DNAH3: variants seen among roughly 807,000 people sequenced by gnomAD.
DNAH3 encodes axonemal beta dynein heavy chain 3.
Under a neutral mutation model 432.5 loss-of-function variants are expected in DNAH3, and 332 were observed. The ratio of observed to expected loss-of-function variants is 0.77; its 90% CI spans 0.70 to 0.84. The LOEUF is 0.84. Among genes scored for constraint, DNAH3 ranks in the 40% least tolerant of loss-of-function variants. The pLI is 0.00. For synonymous variants in DNAH3, 1,956 were observed against 1,900.2 expected, an observed-to-expected ratio of 1.03 and a Z score of -0.76; for missense variants, 4,861 against 5,114.0, an observed-to-expected ratio of 0.95 and a Z score of 1.51.
intron 45 of DNAH3, 45 bp downstream of exon 45, chr16:20,987,897 G>C: frequency 1.2e-6 from 2 of 1,614,014 alleles, no homozygotes; most frequent in South Asian, 2.2e-5. Flanking sequence ...GCCAGAAACT[G>C]AGAACCCCCA....
At chr16:20,980,174 T>A (rs868552567) in intron 49 of DNAH3, among the ~76,000 whole-genome samples, 15,540 of 120,436 alleles carry the variant, frequency 0.13, 1,284 homozygotes, top group African/African-American at 0.24. Context: ...AAAAAAAATA[T>A]ATATATATAT....
chr16:21,074,147 C>G (rs1288166168), intron 21 of DNAH3, among the ~76,000 whole-genome samples: 1 of 152,104 alleles, frequency 6.6e-6, no homozygotes, highest in African/African-American at 2.4e-5. Flanking sequence ...CTTTTCACCC[C>G]TACAGCTCTT....
chr16:20,988,094 T>C, intron 44 of DNAH3, 29 bp from the exon 45 acceptor site: 3 of 1,612,436 alleles, frequency 1.9e-6, no homozygotes, highest in Non-Finnish European at 2.5e-6. Context: ...AAGTGAATCA[T>C]CCTGGAAAAC....
At chr16:21,077,461 C>A (rs1351910480) in intron 20 of DNAH3, among the ~76,000 whole-genome samples, 1 of 152,172 alleles carries the variant, frequency 6.6e-6, no homozygotes, top group African/African-American at 2.4e-5. Context: ...CCATGCCCGG[C>A]CAGTATTCTG....
intron 54 of DNAH3, among the ~76,000 whole-genome samples, chr16:20,957,808 C>CAAAAAAAAAAAAAAAAA (rs762197650): frequency 1.3e-4 from 7 of 53,286 alleles, no homozygotes; most frequent in Non-Finnish European, 2.3e-4. Context: ...ACTCCATCTC[C>CAAAAAAAAAAAAAAAAA]AAAAAAAAAA....
chr16:21,084,779 G>A (rs767889173), intron 19 of DNAH3, among the ~76,000 whole-genome samples: 12 of 152,036 alleles, frequency 7.9e-5, no homozygotes, highest in Non-Finnish European at 1.8e-4. Flanking sequence ...GGCCTGGTTG[G>A]GATTTTCTGA....
chr16:20,936,532 C>T, intron 60 of DNAH3, 117 bp downstream of exon 60: 1 of 866,848 alleles, frequency 1.2e-6, no homozygotes, highest in Non-Finnish European at 1.8e-6. Flanking sequence ...GAGGCTCAAT[C>T]CAGGATGTTC....
intron 5 of DNAH3, among the ~76,000 whole-genome samples, chr16:21,136,913 T>TTGCA (rs1385389698): frequency 6.6e-6 from 1 of 151,952 alleles, no homozygotes. Context: ...GGTGGGAGAA[T>TTGCA]TGCAAGGTCA....
At chr16:21,062,983 C>A (rs2090415734) in intron 24 of DNAH3, 1 of 292,602 alleles carries the variant, frequency 3.4e-6, no homozygotes, top group Non-Finnish European at 6.4e-6. Flanking sequence ...ACATTGCACC[C>A]AGCTTGGAGA....
chr16:21,051,979 A>ATTT, intron 28 of DNAH3, 111 bp from the exon 29 acceptor site: 1 of 727,514 alleles, frequency 1.4e-6, no homozygotes, highest in South Asian at 2.2e-5. Context: ...TCTCCAAACT[A>ATTT]TTTTATTTTA....
At position 20,979,452 on chromosome 16, in the gene DNAH3, T is replaced by TG. The variant is rs770498622; in HGVS notation, c.7953dup (p.Thr2652HisfsTer5). Reference sequence around the variant, plus strand: ...GTTAGAATCAATTCAAGGTAGGAGGTGGGGGTAACATAGTTGTGTCTTCGA... The same window carrying TG: ...GTTAGAATCAATTCAAGGTAGGAGGTGGGGGGTAACATAGTTGTGTCTTCGA... On this transcript the variant is annotated frameshift_variant, in exon 50 of 62. Coordinates refer to ENST00000261383, the Ensembl canonical transcript of DNAH3. LOFTEE classifies it high-confidence loss of function. The TG allele has an allele frequency of 3.7e-6, 6 of 1,613,814 alleles. No individual in the cohort carries two copies. In the Admixed American group the frequency reaches 8.3e-5, roughly 22 times the overall value.
exon 55 of DNAH3, chr16:20,954,969 G>A (rs34771199): frequency 1.9e-6 from 3 of 1,614,184 alleles, no homozygotes; most frequent in South Asian, 2.2e-5. Flanking sequence ...TTGGCCCGGA[G>A]CCCTTTGGGG....
rs370835379 is a variant in DNAH3 at position 21,156,621 on chromosome 16, G to T, written c.117+2704C>A. ...CCCATGCCTAATCCCATCACATTGG[G>T]GGTTAGGATTTTAGAGGAACAGACA... On this transcript the variant is annotated intron_variant, in intron 1 of 61. Coordinates refer to ENST00000261383, the Ensembl canonical transcript of DNAH3. Among the ~76,000 whole-genome samples, 20 of 152,202 alleles carry T rather than the reference G, an allele frequency of 1.3e-4. 1 individual carries two copies. In the South Asian group the frequency reaches 3.9e-3, roughly 30 times the overall value.
chr16:21,010,335 C>A (rs3103810), intron 41 of DNAH3, among the ~76,000 whole-genome samples: 73,417 of 151,940 alleles, frequency 0.48, 17,940 homozygotes, highest in South Asian at 0.58. Flanking sequence ...CACCCCTACC[C>A]CCCCTACCCC....
intron 48 of DNAH3, among the ~76,000 whole-genome samples, chr16:20,983,263 C>T (rs922426664): frequency 6.6e-6 from 1 of 152,086 alleles, no homozygotes; most frequent in African/African-American, 2.4e-5. Flanking sequence ...GTAGCTGGGA[C>T]TATAGGCACC....
chr16:20,980,552 TTAG>T (rs890278006), intron 49 of DNAH3, among the ~76,000 whole-genome samples: 3 of 151,234 alleles, frequency 2.0e-5, no homozygotes, highest in Non-Finnish European at 4.4e-5. Flanking sequence ...TTCTGCACTT[TTAG>T]TAGAGATGGT....
At chr16:20,943,435 G>A (rs1015661844) in intron 58 of DNAH3, among the ~76,000 whole-genome samples, 11 of 151,544 alleles carry the variant, frequency 7.3e-5, no homozygotes, top group African/African-American at 2.7e-4. Flanking sequence ...TGTTGCCCAG[G>A]CTGGCCTCGA....
rs752505321 is a variant in DNAH3 at position 20,985,718 on chromosome 16, G to A, written c.7027-3C>T. 1 of 1,609,746 alleles carries A rather than the reference G, an allele frequency of 6.2e-7. No homozygotes were observed. Among genetic ancestry groups the A allele is most frequent in the Admixed American group, 1.7e-5 (1 of 59,804 alleles). ...GTGGGTGACAAGTGGATAAGCACCTGTAAGAAAAGTAAATCTCGGCGGGGC... is the reference window on the plus strand; with the variant it reads ...GTGGGTGACAAGTGGATAAGCACCTATAAGAAAAGTAAATCTCGGCGGGGC... On this transcript the variant is annotated splice_polypyrimidine_tract_variant and splice_region_variant and intron_variant, in intron 47 of 61. Coordinates refer to ENST00000261383, the Ensembl canonical transcript of DNAH3.
Position 20,965,658 on chromosome 16 carries a change from A to G in DNAH3, c.8459-233T>C, listed in dbSNP as rs551675885. Among the ~76,000 whole-genome samples the G allele has an allele frequency of 3.3e-5, 5 of 152,272 alleles. No individual in the cohort carries two copies. In the South Asian group the frequency reaches 1.0e-3, roughly 32 times the overall value. On this transcript the variant is annotated intron_variant, in intron 52 of 61. Transcript: ENST00000261383. ...GCTTCTTACCATGAGCCCTTTGCCT[A>G]TACTGTAAATGGCATCTAGCTGGCT... is the stretch of plus-strand genomic sequence containing the variant.
Sources: gnomAD v4.1 joint callset for allele counts (sites outside exome capture counted in the v4.1 genomes callset) on GRCh38, gnomAD v4.1.1 for gene constraint, MANE v1.5 for transcripts, NCBI Gene and HGNC (gene_info 2026-07-23, HGNC 2026-07-21) for gene names.